MAGI1: variants seen among roughly 807,000 people sequenced by gnomAD.
MAGI1 encodes membrane associated guanylate kinase, WW and PDZ domain containing 1, also known as membrane-associated guanylate kinase, WW and PDZ domain-containing protein 1.
In MAGI1, 58 loss-of-function variants were observed where a neutral mutation model predicts 139.9. The observed-to-expected ratio is 0.41, with a 90% confidence interval of 0.34 to 0.52. MAGI1 has a LOEUF of 0.52. Among genes scored for constraint, MAGI1 ranks in the 20% least tolerant of loss-of-function variants. The probability of loss-of-function intolerance (pLI) is 0.12; values close to 1 mark genes in which losing one functional copy is unlikely to be tolerated. For synonymous variants in MAGI1, 812 were observed against 737.9 expected (o/e 1.10, Z -1.63); for missense variants, 1,874 against 1,901.6 (o/e 0.99, Z 0.27).
rs115794765 is a variant in MAGI1 at position 65,479,354 on chromosome 3, C to T, written c.551-556G>A. On this transcript the variant is annotated intron_variant, in intron 3 of 22. Coordinates refer to ENST00000402939, the MANE Select transcript of MAGI1 (RefSeq NM_001033057.2). Reference sequence around the variant, plus strand: ...AGAGTCATGCGGGGTAGGAAAAAACCCTTGCCAAGCTTTAACAGAAAACCC... The same window carrying T: ...AGAGTCATGCGGGGTAGGAAAAAACTCTTGCCAAGCTTTAACAGAAAACCC... Among the ~76,000 whole-genome samples, 385 of 152,190 alleles carry T rather than the reference C, an allele frequency of 2.5e-3. 4 individuals are homozygous for T. Among genetic ancestry groups the T allele is most frequent in the African/African-American group, 7.3e-3 (303 of 41,526 alleles).
intron 1 of MAGI1, among the ~76,000 whole-genome samples, chr3:65,658,902 G>A (rs1385042390): frequency 2.0e-5 from 3 of 152,176 alleles, no homozygotes; most frequent in African/African-American, 7.2e-5. Flanking sequence ...ATGCAATAAT[G>A]CACAATAAAT....
At chr3:65,726,202 T>G (rs2033586676) in intron 1 of MAGI1, among the ~76,000 whole-genome samples, 2 of 152,214 alleles carry the variant, frequency 1.3e-5, no homozygotes, top group South Asian at 4.1e-4. Context: ...ATTTCCATCT[T>G]ATTTAAGCTA....
chr3:65,359,052 T>A (rs1461867153), intron 22 of MAGI1: 2 of 1,611,512 alleles, frequency 1.2e-6, no homozygotes, highest in African/African-American at 1.3e-5. Flanking sequence ...TAGTATTGAT[T>A]GAGCTACAAA....
intron 12 of MAGI1, among the ~76,000 whole-genome samples, chr3:65,424,165 A>T (rs1188420875): frequency 6.6e-6 from 1 of 152,182 alleles, no homozygotes; most frequent in Non-Finnish European, 1.5e-5. Flanking sequence ...ACACAGCTTG[A>T]ACATAGTAAG....
At chr3:65,689,150 C>T (rs913885595) in intron 1 of MAGI1, among the ~76,000 whole-genome samples, 6 of 152,204 alleles carry the variant, frequency 3.9e-5, no homozygotes, top group Admixed American at 3.9e-4. Flanking sequence ...TCAGTCTCTT[C>T]AAGGGAAAAC....
intron 1 of MAGI1, among the ~76,000 whole-genome samples, chr3:65,703,180 C>A (rs1398537305): frequency 6.6e-6 from 1 of 152,142 alleles, no homozygotes; most frequent in Non-Finnish European, 1.5e-5. Flanking sequence ...TGCTGCTATA[C>A]GTGCTTCCTG....
intron 1 of MAGI1, among the ~76,000 whole-genome samples, chr3:65,956,486 G>T (rs898674297): frequency 6.6e-6 from 1 of 152,018 alleles, no homozygotes; most frequent in Non-Finnish European, 1.5e-5. Context: ...CTTCAACCAG[G>T]GTTAAAGCTA....
intron 1 of MAGI1, among the ~76,000 whole-genome samples, chr3:65,878,105 T>C (rs1167268619): frequency 6.6e-6 from 1 of 151,018 alleles, no homozygotes; most frequent in Non-Finnish European, 1.5e-5. Flanking sequence ...AGTGAGGTTC[T>C]GTCTCAAAAA....
intron 1 of MAGI1, among the ~76,000 whole-genome samples, chr3:65,824,087 A>G (rs2042092729): frequency 6.6e-6 from 1 of 152,190 alleles, no homozygotes; most frequent in African/African-American, 2.4e-5. Context: ...GTTACTGATT[A>G]TTTTTACCAC....
At position 65,460,909 on chromosome 3, in the gene MAGI1, T is replaced by C. The variant is rs571045392; in HGVS notation, c.960-7569A>G. On this transcript the variant is annotated intron_variant, in intron 5 of 22. Coordinates refer to ENST00000402939, the MANE Select transcript of MAGI1 (RefSeq NM_001033057.2). ...TTTCTTATGGCTGCATAGTATTACA[T>C]GGTATATATGTGCCACATTTTCTTT... Among the ~76,000 whole-genome samples, 7 of 152,312 alleles carry C rather than the reference T, an allele frequency of 4.6e-5. No individual in the cohort carries two copies. The South Asian group carries it at 1.5e-3, about 32-fold the overall frequency.
chr3:65,977,369 G>A (rs1171573155), intron 1 of MAGI1, among the ~76,000 whole-genome samples: 1 of 152,068 alleles, frequency 6.6e-6, no homozygotes, highest in Non-Finnish European at 1.5e-5. Flanking sequence ...CAGCGTATTC[G>A]AAACCAGATC....
At chr3:65,580,603 C>T (rs2081371461) in intron 2 of MAGI1, among the ~76,000 whole-genome samples, 1 of 152,074 alleles carries the variant, frequency 6.6e-6, no homozygotes. Flanking sequence ...CTGTACTGAA[C>T]TTTGTGGTAT....
chr3:65,909,190 GA>G (rs2061558510), intron 1 of MAGI1, among the ~76,000 whole-genome samples: 1 of 152,040 alleles, frequency 6.6e-6, no homozygotes, highest in South Asian at 2.1e-4. Context: ...CACCATCACT[GA>G]AGGGCTAGTA....
At chr3:65,587,414 G>T (rs563412328) in intron 2 of MAGI1, among the ~76,000 whole-genome samples, 5 of 151,400 alleles carry the variant, frequency 3.3e-5, no homozygotes, top group Non-Finnish European at 7.4e-5. Context: ...GTGGATACTC[G>T]AAGTATGGTG....
chr3:65,737,056 G>A (rs7627689), intron 1 of MAGI1, among the ~76,000 whole-genome samples: 7 of 151,868 alleles, frequency 4.6e-5, no homozygotes, highest in Non-Finnish European at 5.9e-5. Flanking sequence ...CTAGGCTGGA[G>A]TGCAGTGGCG....
intron 1 of MAGI1, among the ~76,000 whole-genome samples, chr3:65,629,699 G>A (rs1576533941): frequency 6.6e-6 from 1 of 152,050 alleles, no homozygotes; most frequent in South Asian, 2.1e-4. Context: ...TCATTTAAGT[G>A]AGCTTTATCT....
At chr3:65,919,364 A>G (rs747637945) in intron 1 of MAGI1, among the ~76,000 whole-genome samples, 26 of 151,950 alleles carry the variant, frequency 1.7e-4, no homozygotes, top group Non-Finnish European at 3.5e-4. Flanking sequence ...GGAGTTTGAG[A>G]CCAGCCTGGG....
At chr3:65,999,638 C>A (rs930332683) in intron 1 of MAGI1, among the ~76,000 whole-genome samples, 5 of 152,114 alleles carry the variant, frequency 3.3e-5, no homozygotes, top group Non-Finnish European at 7.4e-5. Context: ...ACTTTCTACA[C>A]ATGGTATTAA....
At chr3:65,835,790 T>G (rs911439746) in intron 1 of MAGI1, among the ~76,000 whole-genome samples, 6 of 152,184 alleles carry the variant, frequency 3.9e-5, no homozygotes, top group African/African-American at 1.4e-4. Context: ...GAATTTATAT[T>G]TACAATTTTA....
Sources: gnomAD v4.1 joint callset for allele counts (sites outside exome capture counted in the v4.1 genomes callset) on GRCh38, gnomAD v4.1.1 for gene constraint, MANE v1.5 for transcripts, NCBI Gene and HGNC (gene_info 2026-07-23, HGNC 2026-07-21) for gene names.